The following ITPR2 variants were observed in gnomAD, a reference collection of about 807,000 sequenced individuals.
ITPR2 encodes the protein inositol 1,4,5-trisphosphate receptor type 2, also known as inositol 1,4,5-trisphosphate-gated calcium channel ITPR2.
ITPR2 carries 207 observed loss-of-function variants against 317.1 expected under a neutral mutation model. The ratio of observed to expected loss-of-function variants is 0.65; its 90% confidence interval spans 0.58 to 0.73. ITPR2 has a LOEUF of 0.73. Among genes scored for constraint, ITPR2 ranks in the 30% least tolerant of loss-of-function variants. The pLI is 0.00. For synonymous variants in ITPR2, 1,156 were observed against 1,149.1 expected (o/e 1.01, Z -0.12); for missense variants, 2,613 against 3,284.0 (o/e 0.80, Z 4.99).
intron 37 of ITPR2, among the ~76,000 whole-genome samples, chr12:26,530,111 C>T (rs756358628): frequency 1.1e-4 from 16 of 152,136 alleles, no homozygotes; most frequent in Non-Finnish European, 1.6e-4. Context: ...AGGATACAGA[C>T]CTCAAAAGCT....
rs1565574550 is a variant in ITPR2 at position 26,516,275 on chromosome 12, G to GGAAAGGAAAGGAAA, written c.5074-21016_5074-21015insTTTCCTTTCCTTTC. Among the ~76,000 whole-genome samples, 217 of 37,772 alleles carry GGAAAGGAAAGGAAA rather than the reference G, an allele frequency of 5.7e-3. 23 individuals are homozygous for GGAAAGGAAAGGAAA. The highest frequency in any genetic ancestry group is 0.025 in the Middle Eastern group (2 of 80). The allele number at this position is 37,772 out of a possible 152,430, so 24.8% of individuals were successfully genotyped here. On this transcript the variant is annotated intron_variant, in intron 37 of 56. Coordinates refer to ENST00000381340, the MANE Select transcript of ITPR2 (RefSeq NM_002223.4). ...AGGAAAGGAAAGGAAAGGAAAGGAA[G>GGAAAGGAAAGGAAA]GGAAGGGAAGGGAAAGGAAAGGAAA... is the stretch of plus-strand genomic sequence containing the variant.
chr12:26,832,214 TCA>T (rs1951123399), intron 1 of ITPR2, among the ~76,000 whole-genome samples: 1 of 152,182 alleles, frequency 6.6e-6, no homozygotes, highest in African/African-American at 2.4e-5. Context: ...ACACTTTGGC[TCA>T]CCACATCGCT....
chr12:26,713,136 C>T (rs1310462620), intron 8 of ITPR2, among the ~76,000 whole-genome samples: 1 of 152,208 alleles, frequency 6.6e-6, no homozygotes, highest in East Asian at 1.9e-4. Context: ...GGTAAGGACC[C>T]CTCAGCATGT....
Position 26,698,546 on chromosome 12 carries a change from G to A in ITPR2, c.952-2896C>T, listed in dbSNP as rs554895104. Among the ~76,000 whole-genome samples the A allele has an allele frequency of 7.9e-5, 12 of 152,312 alleles. No individual in the cohort carries two copies. The East Asian group carries it at 1.5e-3, about 20-fold the overall frequency. On this transcript the variant is annotated intron_variant, in intron 9 of 56. Coordinates refer to ENST00000381340, the MANE Select transcript of ITPR2 (RefSeq NM_002223.4). ...GTGAAACAAATCAGAAAATGAGTAG[G>A]AGTGTGAGGGAAGGGAGTATGGATG...
In ITPR2 at chr12:26,634,212, C is replaced by T. The variant is rs150751681; in HGVS notation, c.2741-2153G>A. Among the ~76,000 whole-genome samples, 5 of 152,236 alleles carry T rather than the reference C, an allele frequency of 3.3e-5. No homozygotes were observed. In the East Asian group the frequency reaches 9.7e-4, roughly 29 times the overall value. ...ATTTGGTTGGTGGTGATGAGAAGTG[C>T]TAAAATTGTGAACCATTACAGCTTG... On this transcript the variant is annotated intron_variant, in intron 21 of 56. Coordinates refer to ENST00000381340, the MANE Select transcript of ITPR2 (RefSeq NM_002223.4).
At chr12:26,525,204 T>C (rs540294282) in intron 37 of ITPR2, among the ~76,000 whole-genome samples, 10 of 152,314 alleles carry the variant, frequency 6.6e-5, no homozygotes, top group African/African-American at 2.2e-4. Flanking sequence ...AGGCAGGGGA[T>C]GGCAAAGTAG....
chr12:26,800,859 G>T, intron 1 of ITPR2: 1 of 151,818 alleles, frequency 6.6e-6, no homozygotes, highest in South Asian at 1.7e-4. Flanking sequence ...GCTATGGATG[G>T]GTTCGCCTTG....
At chr12:26,748,144 C>T (rs1013484790) in intron 2 of ITPR2, among the ~76,000 whole-genome samples, 9 of 151,270 alleles carry the variant, frequency 5.9e-5, no homozygotes, top group East Asian at 1.9e-4. Flanking sequence ...CTGCCACCTC[C>T]GCCTCCTGGG....
intron 54 of ITPR2, among the ~76,000 whole-genome samples, chr12:26,390,736 A>G (rs1382361426): frequency 6.6e-6 from 1 of 152,192 alleles, no homozygotes; most frequent in Non-Finnish European, 1.5e-5. Context: ...GAATTATATG[A>G]TGTGTGAATT....
chr12:26,830,148 C>T (rs576294703), intron 1 of ITPR2, among the ~76,000 whole-genome samples: 39 of 152,370 alleles, frequency 2.6e-4, no homozygotes, highest in African/African-American at 9.1e-4. Context: ...AAGTGATCTG[C>T]CCGCCTTGGC....
rs185414355 is a variant in ITPR2, at chr12:26,378,806, A to G, written c.7857+8628T>C. On this transcript the variant is annotated intron_variant, in intron 55 of 56. Coordinates refer to ENST00000381340, the MANE Select transcript of ITPR2 (RefSeq NM_002223.4). ...TAATAATTGTAATTGTAATACTTCTAATCTTTGTAGGAAGTATGCAGTTGC... is the reference window on the plus strand; with the variant it reads ...TAATAATTGTAATTGTAATACTTCTGATCTTTGTAGGAAGTATGCAGTTGC... 1.9e-4 allele frequency among the ~76,000 whole-genome samples: 29 copies of G among 152,196 alleles called. No homozygotes were observed. In the East Asian group the frequency reaches 5.4e-3, roughly 28 times the overall value.
chr12:26,468,270 C>T (rs1234369159), intron 45 of ITPR2, among the ~76,000 whole-genome samples: 3 of 151,916 alleles, frequency 2.0e-5, no homozygotes, highest in East Asian at 1.9e-4. Context: ...GTATCATGAA[C>T]AAAAATAAGA....
chr12:26,503,854 T>C (rs556716372), intron 37 of ITPR2, among the ~76,000 whole-genome samples: 38 of 152,330 alleles, frequency 2.5e-4, no homozygotes, highest in African/African-American at 8.4e-4. Flanking sequence ...ACTTGTACAA[T>C]TGATGACATA....
At chr12:26,405,756 A>C (rs1417750893) in intron 52 of ITPR2, among the ~76,000 whole-genome samples, 2 of 152,156 alleles carry the variant, frequency 1.3e-5, no homozygotes, top group Non-Finnish European at 2.9e-5. Context: ...TCAGGAGCTC[A>C]AGACCAGCCT....
intron 34 of ITPR2, among the ~76,000 whole-genome samples, chr12:26,567,950 T>G (rs1281916699): frequency 8.9e-6 from 1 of 112,210 alleles, no homozygotes; most frequent in Non-Finnish European, 1.7e-5. Flanking sequence ...TATATATATA[T>G]TATATATATA....
chr12:26,600,099 T>G lies in ITPR2; in HGVS notation c.3689A>C (p.Lys1230Thr). 1 of 1,607,906 alleles carries G rather than the reference T, an allele frequency of 6.2e-7. No homozygotes were observed. Among genetic ancestry groups the G allele is most frequent in the Non-Finnish European group, 8.5e-7 (1 of 1,175,552 alleles). ...LQIPYEKNDE[K>T]MNEVMNLAHT... ...GGCTAGATTCATTACTTCATTCATC[T>G]TTTCATCATTCTGTAAGTTAAAGAA... is the stretch of plus-strand genomic sequence containing the variant. Residue 1230 changes from lysine to threonine, a missense_variant, in exon 29 of 57, where the codon AAG becomes ACG. By Grantham distance (78) the Lys-to-Thr change is moderately conservative. This residue lies in a region of ITPR2 where 817 missense variants were observed against 897.6 expected (regional missense o/e 0.91). Coordinates refer to ENST00000381340, the MANE Select transcript of ITPR2 (RefSeq NM_002223.4).
chr12:26,722,611 A>C, intron 4 of ITPR2, 56 bp from the exon 5 acceptor site: 3 of 1,306,862 alleles, frequency 2.3e-6, no homozygotes, highest in Non-Finnish European at 3.2e-6. Context: ...TCTGTTAATT[A>C]CATTCATATG....
Position 26,686,576 on chromosome 12 carries a change from C to T in ITPR2, c.1053G>A (p.Met351Ile), listed in dbSNP as rs1257478374. Residue 351 changes from methionine to isoleucine, a missense_variant, in exon 11 of 57, where the codon ATG becomes ATA. By Grantham distance (10) the Met-to-Ile change is conservative. Coordinates refer to ENST00000381340, the MANE Select transcript of ITPR2 (RefSeq NM_002223.4). The part of the protein sequence containing the change: ...KKKRQAGEKI[M>I]YTLVSVPHGN... ...CATGCGGGACTGAAACCAAAGTATA[C>T]ATGATCTTCTCCCCTGCCTGGCGTT... is the stretch of plus-strand genomic sequence containing the variant. 6.2e-7 allele frequency: 1 copy of T among 1,612,332 alleles called. No homozygotes were observed. The highest frequency in any genetic ancestry group is 1.7e-5 in the Admixed American group (1 of 59,882).
chr12:26,634,063 G>A (rs1946810980), intron 21 of ITPR2, among the ~76,000 whole-genome samples: 1 of 152,200 alleles, frequency 6.6e-6, no homozygotes, highest in African/African-American at 2.4e-5. Context: ...AATGAAATGG[G>A]AGGGTTCACT....
Sources: gnomAD v4.1 joint callset for allele counts (sites outside exome capture counted in the v4.1 genomes callset) on GRCh38, gnomAD v4.1.1 for gene constraint, gnomAD v4.1.1 regional missense constraint, MANE v1.5 for transcripts, NCBI Gene and HGNC (gene_info 2026-07-23, HGNC 2026-07-21) for gene names.